The following XPO7 variants were observed in gnomAD, a reference collection of about 807,000 sequenced individuals.
The protein encoded by XPO7 is exportin 7, also known as exportin-7.
XPO7 carries 21 observed loss-of-function variants against 144.3 expected under a neutral mutation model. The ratio of observed to expected loss-of-function variants is 0.15; its 90% CI spans 0.10 to 0.21. The LOEUF is 0.21. XPO7 is among the 10% of genes least tolerant of loss of function. The pLI is 1.00. For missense variants in XPO7, 808 were observed against 1,325.8 expected, an observed-to-expected ratio of 0.61 and a Z score of 6.06; for synonymous variants, 580 against 499.6, an observed-to-expected ratio of 1.16 and a Z score of -2.15.
At chr8:21,969,385 T>G in intron 2 of XPO7, 98 bp from the exon 3 acceptor site, 3 of 1,019,186 alleles carry the variant, frequency 2.9e-6, no homozygotes, top group Non-Finnish European at 4.4e-6. Flanking sequence ...CAAAACTGAT[T>G]GCCTTTTCTT....
At chr8:21,921,772 A>G (rs553198137) in intron 1 of XPO7, 3 of 152,324 alleles carry the variant, frequency 2.0e-5, no homozygotes, top group East Asian at 1.9e-4. Flanking sequence ...AAGAGCTGCA[A>G]TCTGTTGGTC....
intron 1 of XPO7, chr8:21,921,268 TTC>T (rs1170398598): frequency 6.6e-6 from 1 of 152,230 alleles, no homozygotes; most frequent in African/African-American, 2.4e-5. Flanking sequence ...CAGGAATTAC[TTC>T]TGTCATTTAA....
At chr8:21,969,350 C>G in intron 2 of XPO7, 133 bp from the exon 3 acceptor site, 3 of 721,558 alleles carry the variant, frequency 4.2e-6, no homozygotes, top group Non-Finnish European at 6.9e-6. Flanking sequence ...AGTAGACCCT[C>G]TAAAATCCAG....
At chr8:21,984,890 A>C in intron 12 of XPO7, 51 bp downstream of exon 12, 2 of 1,585,480 alleles carry the variant, frequency 1.3e-6, no homozygotes, top group East Asian at 4.5e-5. Context: ...GATGTTGTCT[A>C]GTACCCCTTC....
At chr8:21,997,361 TAAAAC>T (rs755392276) in intron 21 of XPO7, among the ~76,000 whole-genome samples, 22 of 151,800 alleles carry the variant, frequency 1.4e-4, no homozygotes, top group Admixed American at 3.9e-4. Flanking sequence ...TGAAACAAAA[TAAAAC>T]AAGGCAGTAA....
Position 21,942,685 on chromosome 8 carries a change from G to A in XPO7, c.18+22897G>A, listed in dbSNP as rs571321763. 5.1e-4 allele frequency among the ~76,000 whole-genome samples: 77 copies of A among 152,296 alleles called. 1 individual carries two copies. In the South Asian group the frequency reaches 0.014, roughly 28 times the overall value. Reference sequence around the variant, plus strand: ...TTCAACAAGTGATAGTTTTGTAAAGGTTAATTGCAGTGTGGAATCTGAAAC... The same window carrying A: ...TTCAACAAGTGATAGTTTTGTAAAGATTAATTGCAGTGTGGAATCTGAAAC... On this transcript the variant is annotated intron_variant, in intron 1 of 27. Transcript: ENST00000252512.
chr8:21,930,508 A>C (rs1810609136), intron 1 of XPO7, among the ~76,000 whole-genome samples: 1 of 152,152 alleles, frequency 6.6e-6, no homozygotes, highest in Non-Finnish European at 1.5e-5. Context: ...GTGAATAATT[A>C]AGCCAGATCT....
At chr8:21,930,388 A>G (rs17060661) in intron 1 of XPO7, among the ~76,000 whole-genome samples, 2,120 of 152,308 alleles carry the variant, frequency 0.014, 61 homozygotes, top group African/African-American at 0.049. Context: ...CTAGAAATGT[A>G]TGCCAATAAG....
intron 1 of XPO7, among the ~76,000 whole-genome samples, chr8:21,957,498 C>T (rs28372085): frequency 0.14 from 20,635 of 152,038 alleles, 1,708 homozygotes; most frequent in African/African-American, 0.23. Flanking sequence ...TTTTCTGTAT[C>T]CCAAAATTAT....
rs748032381 is a variant in XPO7, at chr8:21,994,377, C to T, written c.2163C>T (p.Gly721=). The T allele has an allele frequency of 6.2e-7, 1 of 1,611,876 alleles. No homozygotes were observed. Among genetic ancestry groups the T allele is most frequent in the South Asian group, 1.1e-5 (1 of 90,976 alleles). Residue 721 remains glycine, a synonymous_variant, in exon 20 of 28, where the codon GGC becomes GGT. Transcript: ENST00000252512. ...NEQEAKRTLV[G]LVRDLRGIAF... ...TTCTACTACAGCGAACTCTAGTTGG[C>T]CTAGTAAGAGACCTGAGAGGGATCG...
At chr8:21,965,998 T>TA (rs1344542971) in intron 1 of XPO7, among the ~76,000 whole-genome samples, 1 of 152,096 alleles carries the variant, frequency 6.6e-6, no homozygotes, top group African/African-American at 2.4e-5. Flanking sequence ...TGAAAGGTGA[T>TA]ATTGAAGTAT....
intron 9 of XPO7, 53 bp from the exon 10 acceptor site, chr8:21,981,678 G>C (rs1812415782): frequency 6.2e-7 from 1 of 1,601,272 alleles, no homozygotes; most frequent in Non-Finnish European, 8.5e-7. Flanking sequence ...CATCATTCTT[G>C]AAGTATGTTA....
At chr8:21,948,882 T>C (rs747555669) in intron 1 of XPO7, among the ~76,000 whole-genome samples, 1 of 152,214 alleles carries the variant, frequency 6.6e-6, no homozygotes, top group Non-Finnish European at 1.5e-5. Flanking sequence ...AATAAACCAT[T>C]TGGTTCCTCC....
In XPO7 at chr8:22,004,013, T is replaced by C. The variant is rs749036711; in HGVS notation, c.3153T>C (p.Leu1051=). The change falls in exon 27 of 28, where the codon CTT becomes CTC. Residue 1051 remains leucine, a synonymous_variant. Coordinates refer to ENST00000252512, the MANE Select transcript of XPO7 (RefSeq NM_015024.5). ...NLMEGIERNL[L]TKNRDRFTQN... ...TGGAAGGCATCGAGCGAAATCTTCT[T>C]ACGAAAAACAGAGACAGGTGAGTAT... The C allele has an allele frequency of 6.2e-7, 1 of 1,613,882 alleles. No individual in the cohort carries two copies. The highest frequency in any genetic ancestry group is 8.5e-7 in the Non-Finnish European group (1 of 1,179,848).
At chr8:21,987,754 G>A (rs1206094003) in intron 14 of XPO7, 30 bp from the exon 15 acceptor site, 3 of 1,612,038 alleles carry the variant, frequency 1.9e-6, no homozygotes, top group Non-Finnish European at 2.5e-6. Flanking sequence ...TAATTCATGT[G>A]TTCTGGTTAC....
intron 5 of XPO7, among the ~76,000 whole-genome samples, chr8:21,974,135 T>C (rs1812151681): frequency 6.6e-6 from 1 of 152,142 alleles, no homozygotes; most frequent in Non-Finnish European, 1.5e-5. Context: ...ATGCCTGGGC[T>C]CCAGGCCCTC....
intron 1 of XPO7, 125 bp from the exon 2 acceptor site, chr8:21,966,732 C>T: frequency 7.5e-7 from 1 of 1,326,106 alleles, no homozygotes; most frequent in Non-Finnish European, 1.0e-6. Context: ...TACCCAGGTT[C>T]TCCTCAGTTC....
At chr8:21,936,821 G>C (rs1399939810) in intron 1 of XPO7, among the ~76,000 whole-genome samples, 1 of 152,014 alleles carries the variant, frequency 6.6e-6, no homozygotes, top group Non-Finnish European at 1.5e-5. Context: ...AATTTTCTGG[G>C]GGTTTTTCTC....
Position 22,005,136 on chromosome 8 carries a change from C to G in XPO7, c.*48C>G, listed in dbSNP as rs763220344. ...ACAGAGCAGCGTCCCTTTGGTTTGG[C>G]CCAGAGGGGCGAACAATTGCAAGGG... is the stretch of plus-strand genomic sequence containing the variant. On this transcript the variant is annotated 3_prime_UTR_variant, in exon 28 of 28. Transcript: ENST00000252512. The G allele has an allele frequency of 6.7e-7, 1 of 1,488,872 alleles. No homozygotes were observed. The highest frequency in any genetic ancestry group is 9.2e-7 in the Non-Finnish European group (1 of 1,086,368). The allele number at this position is 1,488,872 out of a possible 1,614,324, so 92.2% of individuals were successfully genotyped here. A position where few individuals can be genotyped will look rare whatever the true frequency, so the allele number is the denominator to read the frequency against.
Sources: allele counts gnomAD v4.1 joint callset (sites outside exome capture counted in the v4.1 genomes callset), GRCh38; gene constraint gnomAD v4.1.1; transcripts MANE v1.5; gene names NCBI Gene and HGNC (gene_info 2026-07-23, HGNC 2026-07-21).